The following CNTN5 variants were observed in gnomAD, a reference collection of about 807,000 sequenced individuals.
CNTN5 encodes contactin-5.
A neutral mutation model predicts 129.1 loss-of-function variants in CNTN5; 77 were observed. The ratio of observed to expected loss-of-function variants is 0.60; its 90% CI spans 0.50 to 0.72. The LOEUF is 0.72. Among genes scored for constraint, CNTN5 ranks in the 30% least tolerant of loss-of-function variants. The pLI is 0.00. For missense variants in CNTN5, 1,478 were observed against 1,328.8 expected, an observed-to-expected ratio of 1.11 and a Z score of -1.75; for synonymous variants, 509 against 465.6, an observed-to-expected ratio of 1.09 and a Z score of -1.20.
At chr11:99,487,977 G>T (rs906220163) in intron 2 of CNTN5, among the ~76,000 whole-genome samples, 2 of 152,064 alleles carry the variant, frequency 1.3e-5, no homozygotes, top group African/African-American at 2.4e-5. Flanking sequence ...AATTATATTT[G>T]ATCTCTAGGA....
chr11:100,043,393 A>G (rs1714689265), intron 9 of CNTN5, among the ~76,000 whole-genome samples: 1 of 152,196 alleles, frequency 6.6e-6, no homozygotes, highest in South Asian at 2.1e-4. Flanking sequence ...ATTTTTACAA[A>G]TAATTTTATA....
At chr11:99,204,105 A>G (rs929662549) in intron 1 of CNTN5, among the ~76,000 whole-genome samples, 4 of 152,234 alleles carry the variant, frequency 2.6e-5, no homozygotes, top group Non-Finnish European at 5.9e-5. Flanking sequence ...ATACAAATAT[A>G]CTTCATAACA....
At chr11:99,065,569 A>G (rs1465128179) in intron 1 of CNTN5, among the ~76,000 whole-genome samples, 1 of 152,144 alleles carries the variant, frequency 6.6e-6, no homozygotes, top group Non-Finnish European at 1.5e-5. Context: ...CCATCTCTTT[A>G]TGTTGTGTTC....
At chr11:99,673,242 T>C (rs980088266) in intron 3 of CNTN5, among the ~76,000 whole-genome samples, 3 of 152,176 alleles carry the variant, frequency 2.0e-5, no homozygotes, top group African/African-American at 7.2e-5. Context: ...TGTGTCAAAA[T>C]TGAAAAACAT....
chr11:99,314,134 T>A (rs534828134), intron 1 of CNTN5, among the ~76,000 whole-genome samples: 1 of 151,974 alleles, frequency 6.6e-6, no homozygotes, highest in East Asian at 1.9e-4. Context: ...ATTAATATAA[T>A]AATGACAGTT....
At chr11:100,247,663 A>G (rs528869038) in intron 16 of CNTN5, among the ~76,000 whole-genome samples, 35 of 152,298 alleles carry the variant, frequency 2.3e-4, no homozygotes, top group African/African-American at 8.2e-4. Context: ...CAATAATACC[A>G]TACTTCCTAA....
chr11:100,189,341 C>T (rs1442589635), intron 13 of CNTN5, among the ~76,000 whole-genome samples: 1 of 150,300 alleles, frequency 6.7e-6, no homozygotes, highest in Admixed American at 6.6e-5. Context: ...AAGTACAGGG[C>T]ATTCATAAAC....
At chr11:99,509,021 A>G (rs1329417921) in intron 2 of CNTN5, among the ~76,000 whole-genome samples, 1 of 152,148 alleles carries the variant, frequency 6.6e-6, no homozygotes, top group Non-Finnish European at 1.5e-5. Flanking sequence ...AAGTGTAAAT[A>G]TGAAGTGGGA....
intron 16 of CNTN5, among the ~76,000 whole-genome samples, chr11:100,254,561 T>TG (rs201475449): frequency 0.012 from 1,806 of 152,298 alleles, 20 homozygotes; most frequent in Non-Finnish European, 0.019. Context: ...CATCTGCTGG[T>TG]GGTTCTTCTC....
At chr11:100,085,808 C>T (rs540711272) in intron 13 of CNTN5, among the ~76,000 whole-genome samples, 1 of 152,082 alleles carries the variant, frequency 6.6e-6, no homozygotes, top group South Asian at 2.1e-4. Flanking sequence ...GAATCTAAAA[C>T]CTGTTCTCAG....
chr11:100,078,990 G>A (rs1463373128), intron 13 of CNTN5, among the ~76,000 whole-genome samples: 1 of 152,124 alleles, frequency 6.6e-6, no homozygotes, highest in African/African-American at 2.4e-5. Context: ...GGCAAAGCAG[G>A]TGCAAGGAAC....
At chr11:99,563,560 A>G (rs77773182) in intron 3 of CNTN5, among the ~76,000 whole-genome samples, 6,616 of 152,262 alleles carry the variant, frequency 0.043, 216 homozygotes, top group Non-Finnish European at 0.067. Flanking sequence ...TATTCACTTA[A>G]AATAAAATAG....
chr11:99,882,706 A>C (rs1241770446), intron 6 of CNTN5, among the ~76,000 whole-genome samples: 2 of 152,202 alleles, frequency 1.3e-5, no homozygotes, highest in East Asian at 3.8e-4. Flanking sequence ...TTTGTGTTAA[A>C]AACAATCCAA....
chr11:99,817,458 A>G (rs1325684101), intron 3 of CNTN5, among the ~76,000 whole-genome samples: 3 of 152,214 alleles, frequency 2.0e-5, no homozygotes, highest in Admixed American at 6.5e-5. Context: ...TATAGCCACA[A>G]TGATGTTCCT....
intron 13 of CNTN5, among the ~76,000 whole-genome samples, chr11:100,076,430 G>A (rs919993710): frequency 1.3e-5 from 2 of 152,018 alleles, no homozygotes; most frequent in Non-Finnish European, 2.9e-5. Flanking sequence ...AGTATTGAGA[G>A]AAGTAACAGG....
At chr11:99,609,740 T>C (rs1264625396) in intron 3 of CNTN5, among the ~76,000 whole-genome samples, 3 of 152,062 alleles carry the variant, frequency 2.0e-5, no homozygotes, top group Non-Finnish European at 2.9e-5. Flanking sequence ...GATGTTTATA[T>C]TGGGTAGAAG....
chr11:100,148,158 C>CTTTGT (rs910624358), intron 13 of CNTN5, among the ~76,000 whole-genome samples: 3 of 152,012 alleles, frequency 2.0e-5, no homozygotes, highest in African/African-American at 7.2e-5. Flanking sequence ...TAACTCATTC[C>CTTTGT]TTTGTTTTTA....
At chr11:100,317,096 A>C (rs574838191) in intron 21 of CNTN5, among the ~76,000 whole-genome samples, 1 of 152,350 alleles carries the variant, frequency 6.6e-6, no homozygotes, top group African/African-American at 2.4e-5. Context: ...TTGCACTGAA[A>C]GGACAGCAAT....
At chr11:99,462,360 C>CTTTTTTTTTTTTTTTTTTTCT (rs72276833) in intron 2 of CNTN5, among the ~76,000 whole-genome samples, 1 of 125,284 alleles carries the variant, frequency 8.0e-6, no homozygotes, top group East Asian at 2.2e-4. Context: ...CTTTTCTTTT[C>CTTTTTTTTTTTTTTTTTTTCT]TTTTTTTTTT....
Sources: allele counts gnomAD v4.1 joint callset (sites outside exome capture counted in the v4.1 genomes callset), GRCh38; gene constraint gnomAD v4.1.1; transcripts MANE v1.5; gene names NCBI Gene and HGNC (gene_info 2026-07-23, HGNC 2026-07-21).